VPS51: variants seen among roughly 807,000 people sequenced by gnomAD.
VPS51 encodes the protein VPS51 subunit of GARP complex.
Under a neutral mutation model 65.1 loss-of-function variants are expected in VPS51, and 55 were observed. The ratio of observed to expected loss-of-function variants is 0.84; its 90% confidence interval spans 0.68 to 1.06. The LOEUF (loss-of-function observed/expected upper bound fraction) is 1.06. Among genes scored for constraint, VPS51 ranks in the 50% least tolerant of loss-of-function variants. VPS51 has a pLI of 0.00. For missense variants in VPS51, 943 were observed against 1,101.6 expected (o/e 0.86, Z 2.04); for synonymous variants, 473 against 489.5 (o/e 0.97, Z 0.44).
At chr11:65,104,726 G>A (rs1323140438) in intron 2 of VPS51, among the ~76,000 whole-genome samples, 2 of 152,240 alleles carry the variant, frequency 1.3e-5, no homozygotes, top group South Asian at 4.1e-4. Context: ...TTTCTGTTAT[G>A]TTTTCATAAC....
intron 2 of VPS51, among the ~76,000 whole-genome samples, chr11:65,103,004 A>C (rs1222285354): frequency 6.6e-6 from 1 of 152,198 alleles, no homozygotes; most frequent in South Asian, 2.1e-4. Context: ...AAATTAAAAA[A>C]TTAGCCGGGT....
Position 65,109,839 on chromosome 11 carries a change from C to G in VPS51, c.1794C>G (p.Arg598=), listed in dbSNP as rs764161715. ...SQMLRKSVET[R]DWLSTLEPRN... ...TGCTGCGCAAGAGCGTGGAGACTCG[C>G]GACTGGCTCAGCACTCTGGAGCCCC... The change falls in exon 7 of 10, where the codon CGC becomes CGG. Residue 598 remains arginine, a synonymous_variant. Transcript: ENST00000279281. 1.2e-6 allele frequency: 2 copies of G among 1,611,886 alleles called. No individual in the cohort carries two copies. The highest frequency in any genetic ancestry group is 1.7e-4 in the Middle Eastern group (1 of 6,038).
chr11:65,111,159 A>G (rs996046145), intron 9 of VPS51, 168 bp from the exon 10 acceptor site: 13 of 1,048,764 alleles, frequency 1.2e-5, no homozygotes, highest in Non-Finnish European at 1.9e-5. Context: ...CCTGCCCTCC[A>G]GATGACGGCG....
intron 2 of VPS51, among the ~76,000 whole-genome samples, chr11:65,098,234 G>A (rs563275133): frequency 6.2e-4 from 94 of 152,260 alleles, no homozygotes; most frequent in South Asian, 1.0e-3. Flanking sequence ...CCTCAGTAAG[G>A]TGTAGTTTCT....
chr11:65,111,173 A>ATC (rs1223345785), intron 9 of VPS51, 154 bp from the exon 10 acceptor site: 1 of 1,157,068 alleles, frequency 8.6e-7, no homozygotes, highest in East Asian at 2.6e-5. Context: ...GACGGCGCTA[A>ATC]TATTGTATCC....
chr11:65,110,164 T>G (rs969268843), intron 7 of VPS51: 1 of 622,254 alleles, frequency 1.6e-6, no homozygotes, highest in African/African-American at 1.8e-5. Flanking sequence ...GTCTTGTTCC[T>G]TCTCAGCCCA....
intron 2 of VPS51, among the ~76,000 whole-genome samples, chr11:65,102,017 C>CT (rs990847395): frequency 0.04 from 4,833 of 121,844 alleles, 301 homozygotes; most frequent in African/African-American, 0.099. Context: ...TCTTAACAAG[C>CT]TTTTTTTTTT....
rs1210832090 is a variant in VPS51 at position 65,096,250 on chromosome 11, G to C, written c.-1G>C. The C allele has an allele frequency of 2.6e-6, 4 of 1,524,618 alleles. No individual in the cohort carries two copies. In the South Asian group the frequency reaches 4.9e-5, roughly 19 times the overall value. The allele number at this position is 1,524,618 out of a possible 1,614,324, so 94.4% of individuals were successfully genotyped here. ...CACGCCCGTGGGCTGCAGTTGGAAC[G>C]ATGGCGGCGGCAGCTGCCGCCGGGC... On this transcript the variant is annotated 5_prime_UTR_variant, in exon 1 of 10. Transcript: ENST00000279281.
chr11:65,096,760 C>G, intron 1 of VPS51: 3 of 685,274 alleles, frequency 4.4e-6, no homozygotes, highest in South Asian at 3.9e-5. Context: ...AGGCGCGGGG[C>G]TGGGCTTAGG....
At position 65,096,450 on chromosome 11, in the gene VPS51, A is replaced by T. The variant is rs1947769368; in HGVS notation, c.200A>T (p.His67Leu). The T allele has an allele frequency of 2.1e-6, 3 of 1,413,534 alleles. No individual in the cohort carries two copies. The highest frequency in any genetic ancestry group is 2.8e-6 in the Non-Finnish European group (3 of 1,072,486). The allele number at this position is 1,413,534 out of a possible 1,614,324, so 87.6% of individuals were successfully genotyped here. The change falls in exon 1 of 10, where the codon CAC becomes CTC. Residue 67 changes from histidine (H) to leucine (L), a missense_variant. Around this residue, in one of 2 missense-constraint regions of VPS51, gnomAD observed 855 missense variants for 953.7 expected, o/e 0.90. Transcript: ENST00000279281. The stretch of plus-strand genomic sequence containing the variant: ...GACCCGACTGATCTGAACGGGGCGC[A>T]CTTCGACCCGGAAGTTTACCTAGAC... Reference protein sequence around the residue: ...PLDPTDLNGAHFDPEVYLDKL... With the variant: ...PLDPTDLNGALFDPEVYLDKL...
Position 65,108,537 on chromosome 11 carries a change from C to G in VPS51, c.1066C>G (p.Leu356Val). Residue 356 changes from leucine to valine, a missense_variant, in exon 5 of 10, where the codon CTG becomes GTG. By Grantham distance (32) the Leu-to-Val change is conservative. Transcript: ENST00000279281. ...CTATTTTGCGCTGGTGGAGCGGCGG[C>G]TGGCGCAGGAGCAGGGTGGTGGTGA... ...SRYFALVERR[L>V]AQEQGGGDNS... 1.3e-6 allele frequency: 2 copies of G among 1,582,678 alleles called. No individual in the cohort carries two copies. Among genetic ancestry groups the G allele is most frequent in the Non-Finnish European group, 1.7e-6 (2 of 1,171,194 alleles).
Position 65,107,777 on chromosome 11 carries a change from G to A in VPS51, c.506-26G>A. 6.2e-7 allele frequency: 1 copy of A among 1,604,046 alleles called. No individual in the cohort carries two copies. Among genetic ancestry groups the A allele is most frequent in the Non-Finnish European group, 8.5e-7 (1 of 1,176,344 alleles). ...CAGTGGGCCTTTCCTGGGGCTCTGG[G>A]GCTAACGTCACCCTCCGTCCCCCAG... On this transcript the variant is annotated intron_variant, in intron 3 of 9. Transcript: ENST00000279281. This position sits in a 1 kb window ranked among gnomAD's most constrained non-coding sequence, Gnocchi z 4.0.
At position 65,108,431 on chromosome 11, in the gene VPS51, G is replaced by A. The variant is rs1947860223; in HGVS notation, c.960G>A (p.Ala320=). 6.2e-7 allele frequency: 1 copy of A among 1,611,708 alleles called. No individual in the cohort carries two copies. The highest frequency in any genetic ancestry group is 1.3e-5 in the African/African-American group (1 of 74,926). The stretch of plus-strand genomic sequence containing the variant: ...TGGGCGGCCTCTGCCAGGTGGCGGC[G>A]GCCTACCAGGAGCTGTTTGCGGCCC... ...GFVGGLCQVA[A]AYQELFAAQG... The change falls in exon 5 of 10, where the codon GCG becomes GCA. Residue 320 remains alanine, a synonymous_variant. Transcript: ENST00000279281.
Position 65,107,568 on chromosome 11 carries a change from C to T in VPS51, c.359-13C>T. 2 of 1,571,486 alleles carry T rather than the reference C, an allele frequency of 1.3e-6. No individual in the cohort carries two copies. The highest frequency in any genetic ancestry group is 2.3e-5 in the South Asian group (2 of 86,220). On this transcript the variant is annotated splice_polypyrimidine_tract_variant and intron_variant, in intron 2 of 9. Transcript: ENST00000279281. This position sits in a 1 kb window ranked among gnomAD's most constrained non-coding sequence, Gnocchi z 4.0. Reference sequence around the variant, plus strand: ...CACCTGCTCTCCCCTTTTCCCCGCCCCTGCCCTCCTAGACACCATCCGGAA... The same window carrying T: ...CACCTGCTCTCCCCTTTTCCCCGCCTCTGCCCTCCTAGACACCATCCGGAA...
intron 7 of VPS51, chr11:65,110,150 C>A: frequency 1.6e-6 from 1 of 626,316 alleles, no homozygotes; most frequent in Non-Finnish European, 2.8e-6. Flanking sequence ...TGCCTATGTC[C>A]ACGGTCTTGT....
chr11:65,104,799 G>A (rs1489286948), intron 2 of VPS51, among the ~76,000 whole-genome samples: 1 of 152,154 alleles, frequency 6.6e-6, no homozygotes, highest in Admixed American at 6.5e-5. Flanking sequence ...CTGGGGCAGT[G>A]TTTACACAGA....
Position 65,108,861 on chromosome 11 carries a change from G to C in VPS51, c.1390G>C (p.Val464Leu). The part of the protein sequence containing the change: ...LSHIKASLAA[V>L]HLFTAKEVSF... ...CCACATTAAGGCCTCTCTGGCAGCA[G>C]TGCACCTTTTCACCGCCAAAGAGGT... Residue 464 changes from valine to leucine, a missense_variant, in exon 5 of 10, where the codon GTG (valine) becomes CTG (leucine). By Grantham distance (32) the Val-to-Leu change is conservative. This residue lies in a region of VPS51 where 855 missense variants were observed against 953.7 expected (regional missense o/e 0.90). Transcript: ENST00000279281. The C allele has an allele frequency of 6.2e-7, 1 of 1,613,074 alleles. No individual in the cohort carries two copies. Among genetic ancestry groups the C allele is most frequent in the Non-Finnish European group, 8.5e-7 (1 of 1,180,034 alleles).
In VPS51 at chr11:65,096,406, C is replaced by A. The variant is rs758949665; in HGVS notation, c.156C>A (p.Pro52=). The A allele has an allele frequency of 1.3e-6, 2 of 1,533,210 alleles. No individual in the cohort carries two copies. The highest frequency in any genetic ancestry group is 8.7e-7 in the Non-Finnish European group (1 of 1,148,864). The allele number at this position is 1,533,210 out of a possible 1,614,324, so 95.0% of individuals were successfully genotyped here. A position where few individuals can be genotyped will look rare whatever the true frequency, so the allele number is the denominator to read the frequency against. Residue 52 remains proline (P), a synonymous_variant, in exon 1 of 10, where the codon CCC becomes CCA. Transcript: ENST00000279281. ...GLSEGEAAGR[P]AGPDPLDPTD... ...CGGAAGGGGAGGCGGCGGGACGCCCCGCGGGGCCCGACCCCCTGGACCCGA... is the reference window on the plus strand; with the variant it reads ...CGGAAGGGGAGGCGGCGGGACGCCCAGCGGGGCCCGACCCCCTGGACCCGA...
chr11:65,107,638 TG>T lies in VPS51; in HGVS notation c.418del (p.Ala140ProfsTer6). On this transcript the variant is annotated frameshift_variant, in exon 3 of 10. Transcript: ENST00000279281. LOFTEE classifies it high-confidence loss of function. The surrounding 1 kb of genome is among the most constrained non-coding windows in gnomAD (Gnocchi z 4.0). ...AAGATGGAGGATGAGATGGACCGGC[TG>T]GCCACCAACATGGCAGTGATCACCG... The part of the protein sequence containing the change: ...FRKMEDEMDR[L>X]ATNMAVITDF... 6.2e-7 allele frequency: 1 copy of T among 1,605,296 alleles called. No individual in the cohort carries two copies.
Sources: allele counts gnomAD v4.1 joint callset (sites outside exome capture counted in the v4.1 genomes callset), GRCh38; gene constraint gnomAD v4.1.1; regional missense constraint gnomAD v4.1.1; non-coding constraint Gnocchi (gnomAD v3.1); transcripts MANE v1.5; gene names NCBI Gene and HGNC (gene_info 2026-07-23, HGNC 2026-07-21).